The following COL4A4 variants were observed in gnomAD, a reference collection of about 807,000 sequenced individuals.
COL4A4 encodes collagen type IV alpha 4 chain.
COL4A4 carries 105 observed loss-of-function variants against 192.9 expected under a neutral mutation model. The observed-to-expected ratio is 0.54, with a 90% CI of 0.46 to 0.64. The LOEUF is 0.64. Among genes scored for constraint, COL4A4 ranks in the 30% least tolerant of loss-of-function variants. The pLI is 0.00. For synonymous variants in COL4A4, 762 were observed against 769.9 expected (o/e 0.99, Z 0.17); for missense variants, 1,967 against 2,169.3 (o/e 0.91, Z 1.85).
At chr2:227,085,838 G>A (rs2059574756) in intron 22 of COL4A4, among the ~76,000 whole-genome samples, 1 of 152,182 alleles carries the variant, frequency 6.6e-6, no homozygotes, top group Admixed American at 6.5e-5. Flanking sequence ...GAGATTTGGA[G>A]GGGGCACACA....
chr2:227,121,188 T>A, intron 4 of COL4A4, 40 bp from the exon 5 acceptor site: 1 of 1,608,422 alleles, frequency 6.2e-7, no homozygotes, highest in South Asian at 1.1e-5. Context: ...GTGCAATTCT[T>A]AATTACTGTC....
rs2061035839 is a variant in COL4A4 at position 227,109,205 on chromosome 2, T to A, written c.657+19A>T. Reference sequence around the variant, plus strand: ...GAATCTGGTTTTTAAAGGGATCACATCAGCAGTGCTGTACTTACCACTAAC... The same window carrying A: ...GAATCTGGTTTTTAAAGGGATCACAACAGCAGTGCTGTACTTACCACTAAC... On this transcript the variant is annotated intron_variant, in intron 10 of 47. Coordinates refer to ENST00000396625, the MANE Select transcript of COL4A4 (RefSeq NM_000092.5). 1 of 1,609,876 alleles carries A rather than the reference T, an allele frequency of 6.2e-7. No homozygotes were observed. Among genetic ancestry groups the A allele is most frequent in the Non-Finnish European group, 8.5e-7 (1 of 1,176,068 alleles).
chr2:227,158,574 T>A (rs2064543122), intron 1 of COL4A4, among the ~76,000 whole-genome samples: 1 of 152,114 alleles, frequency 6.6e-6, no homozygotes, highest in Non-Finnish European at 1.5e-5. Flanking sequence ...AATACTTGTA[T>A]CTAACATTGA....
At chr2:227,065,497 G>C (rs2058267112) in intron 25 of COL4A4, among the ~76,000 whole-genome samples, 1 of 152,190 alleles carries the variant, frequency 6.6e-6, no homozygotes, top group Non-Finnish European at 1.5e-5. Flanking sequence ...GCTTTGAAGA[G>C]AGCAGTGGTT....
At chr2:227,018,918 ATCTTGT>A (rs1333812328) in intron 44 of COL4A4, among the ~76,000 whole-genome samples, 1 of 152,216 alleles carries the variant, frequency 6.6e-6, no homozygotes, top group Non-Finnish European at 1.5e-5. Flanking sequence ...TGGAGAGAGA[ATCTTGT>A]TCTTGTTCAT....
chr2:227,039,164 T>C (rs1308867352), intron 37 of COL4A4, among the ~76,000 whole-genome samples: 1 of 152,108 alleles, frequency 6.6e-6, no homozygotes, highest in Non-Finnish European at 1.5e-5. Context: ...GCTATTAGTT[T>C]TGTTTTGTTT....
the COL4A4 span, chr2:226,988,789 A>G: frequency 1.2e-5 from 10 of 803,276 alleles, no homozygotes; most frequent in African/African-American, 1.7e-4. Context: ...ACTGTTCTCT[A>G]TTTTAGAAAA....
chr2:227,041,038 T>G (rs981889347), intron 37 of COL4A4, among the ~76,000 whole-genome samples: 2 of 152,106 alleles, frequency 1.3e-5, no homozygotes, highest in African/African-American at 4.8e-5. Flanking sequence ...GACCAAGAAA[T>G]TCAACCCAGA....
chr2:227,048,571 T>C (rs1175471673), intron 34 of COL4A4, among the ~76,000 whole-genome samples: 1 of 152,094 alleles, frequency 6.6e-6, no homozygotes, highest in African/African-American at 2.4e-5. Flanking sequence ...AAATAGACCA[T>C]GGGAAAAAGT....
At chr2:227,082,005 A>G in intron 23 of COL4A4, 110 bp downstream of exon 23, 1 of 984,132 alleles carries the variant, frequency 1.0e-6, no homozygotes. Context: ...AATCTCAACC[A>G]TCCTAAATTG....
At chr2:227,153,092 A>T (rs1390736558) in intron 1 of COL4A4, among the ~76,000 whole-genome samples, 1 of 152,204 alleles carries the variant, frequency 6.6e-6, no homozygotes, top group East Asian at 1.9e-4. Context: ...AGCGAAAAGG[A>T]AAATCCCTTA....
At chr2:227,071,311 G>C (rs2058708978) in intron 25 of COL4A4, among the ~76,000 whole-genome samples, 1 of 152,008 alleles carries the variant, frequency 6.6e-6, no homozygotes, top group Non-Finnish European at 1.5e-5. Context: ...GACAAAGATG[G>C]TCACTATGTA....
intron 43 of COL4A4, among the ~76,000 whole-genome samples, chr2:227,022,780 T>C (rs1162041295): frequency 6.6e-6 from 1 of 152,228 alleles, no homozygotes; most frequent in Non-Finnish European, 1.5e-5. Flanking sequence ...ATTTACTTGA[T>C]AATAGGATGT....
chr2:227,115,713 G>C (rs2061457541), intron 7 of COL4A4, among the ~76,000 whole-genome samples: 1 of 152,182 alleles, frequency 6.6e-6, no homozygotes, highest in South Asian at 2.1e-4. Flanking sequence ...TCTGATGGGA[G>C]ATATTTAACA....
rs1048002630 is a variant in COL4A4, at chr2:227,002,746, A to G, written c.*4579T>C. 1.3e-5 allele frequency: 2 copies of G among 152,692 alleles called. No homozygotes were observed. Among genetic ancestry groups the G allele is most frequent in the African/African-American group, 2.4e-5 (1 of 41,472 alleles). 9.5% of individuals were successfully genotyped at this position (152,692 alleles called of 1,614,324 possible). On this transcript the variant is annotated 3_prime_UTR_variant, in exon 48 of 48. Transcript: ENST00000396625. ...AAGTCATCACAGAATTTTATATATA[A>G]TGAACCATATTATAAATCGTAATAC... is the stretch of plus-strand genomic sequence containing the variant.
At chr2:227,108,927 CTTCTT>C in intron 10 of COL4A4, 59 bp from the exon 11 acceptor site, 2 of 1,537,546 alleles carry the variant, frequency 1.3e-6, no homozygotes, top group Non-Finnish European at 1.8e-6. Context: ...CAGAATGTGC[CTTCTT>C]TTGTTACCCC....
Position 227,089,830 on chromosome 2 carries a change from G to A in COL4A4, c.1459+38C>T, listed in dbSNP as rs1481373226. ...AAATGCCCCCGATCATCCATGTACA[G>A]TTGTCTTCTAGAAATTCTACCTTTG... On this transcript the variant is annotated intron_variant, in intron 21 of 47. Coordinates refer to ENST00000396625, the MANE Select transcript of COL4A4 (RefSeq NM_000092.5). 2.0e-6 allele frequency: 3 copies of A among 1,513,034 alleles called. No homozygotes were observed. The African/African-American group carries it at 4.1e-5, about 21-fold the overall frequency. The allele number at this position is 1,513,034 out of a possible 1,614,324, so 93.7% of individuals were successfully genotyped here.
chr2:227,141,887 T>C (rs942547747), intron 3 of COL4A4, among the ~76,000 whole-genome samples: 1 of 151,996 alleles, frequency 6.6e-6, no homozygotes, highest in African/African-American at 2.4e-5. Context: ...AATACTTGGG[T>C]TCATTTAAGG....
Position 227,088,676 on chromosome 2 carries a change from C to T in COL4A4, c.1600G>A (p.Ala534Thr), listed in dbSNP as rs757066334. 1 of 1,614,154 alleles carries T rather than the reference C, an allele frequency of 6.2e-7. No individual in the cohort carries two copies. The highest frequency in any genetic ancestry group is 1.7e-5 in the Admixed American group (1 of 60,024). Residue 534 changes from alanine (A) to threonine (T), a missense_variant, in exon 22 of 48, where the codon GCT (alanine) becomes ACT (threonine). Physicochemically the swap from Ala to Thr is moderately conservative, Grantham distance 58. Coordinates refer to ENST00000396625, the MANE Select transcript of COL4A4 (RefSeq NM_000092.5). ...ACTGGTAGCCCTGGAGGTCCTTCAG[C>T]ACCAGGAGGTCCTGGGTCACCTTTT... ...GTKGDPGPPG[A>T]EGPPGLPGKH...
Sources: gnomAD v4.1 joint callset for allele counts (sites outside exome capture counted in the v4.1 genomes callset) on GRCh38, gnomAD v4.1.1 for gene constraint, MANE v1.5 for transcripts, NCBI Gene and HGNC (gene_info 2026-07-23, HGNC 2026-07-21) for gene names.